Variants in SLC49A4 observed in about 807,000 individuals in gnomAD.
The protein encoded by SLC49A4 is disrupted in renal cancer protein 2.
In SLC49A4, 36 loss-of-function variants were observed where a neutral mutation model predicts 50.6. The observed-to-expected ratio is 0.71, with a 90% CI of 0.55 to 0.94. The LOEUF is 0.94. SLC49A4 is among the 40% of genes least tolerant of loss of function. The pLI, the probability that SLC49A4 is intolerant of heterozygous loss-of-function variation, is 0.00. For missense variants in SLC49A4, 503 were observed against 605.7 expected (o/e 0.83, Z 1.78); for synonymous variants, 248 against 241.2 (o/e 1.03, Z -0.26).
intron 2 of SLC49A4, 148 bp downstream of exon 2, chr3:122,807,098 C>T: frequency 1.9e-6 from 1 of 513,446 alleles, no homozygotes; most frequent in Non-Finnish European, 3.4e-6. Flanking sequence ...TATCAGTTGT[C>T]ATGGAAGACA....
chr3:122,813,483 A>G (rs1476021458), intron 2 of SLC49A4, among the ~76,000 whole-genome samples: 9 of 152,164 alleles, frequency 5.9e-5, no homozygotes, highest in Non-Finnish European at 1.0e-4. Context: ...CCCAGACTCC[A>G]GAAGTCTCCT....
intron 2 of SLC49A4, among the ~76,000 whole-genome samples, chr3:122,813,240 C>CAA (rs71621692): frequency 8.2e-5 from 7 of 85,252 alleles, no homozygotes; most frequent in Non-Finnish European, 1.2e-4. Flanking sequence ...GACTCTGTCT[C>CAA]AAAAAAAAAA....
At chr3:122,858,249 C>T (rs988790041) in intron 6 of SLC49A4, among the ~76,000 whole-genome samples, 7 of 152,126 alleles carry the variant, frequency 4.6e-5, no homozygotes, top group East Asian at 3.9e-4. Context: ...CTACAGTTGT[C>T]GGTTTATTCT....
At chr3:122,877,200 A>G (rs1170781227) in intron 8 of SLC49A4, among the ~76,000 whole-genome samples, 5 of 152,204 alleles carry the variant, frequency 3.3e-5, no homozygotes, top group African/African-American at 1.2e-4. Context: ...GAGCACCTAA[A>G]CAGTGGTTTA....
intron 2 of SLC49A4, among the ~76,000 whole-genome samples, chr3:122,814,236 C>T (rs1219686613): frequency 6.6e-6 from 1 of 152,166 alleles, no homozygotes; most frequent in African/African-American, 2.4e-5. Flanking sequence ...CCACTGCACT[C>T]CAGCCTGGGC....
intron 2 of SLC49A4, among the ~76,000 whole-genome samples, chr3:122,812,103 G>A (rs1936307891): frequency 2.6e-5 from 4 of 152,112 alleles, no homozygotes; most frequent in Admixed American, 2.0e-4. Context: ...CTACAGGCAT[G>A]TGCCATCACA....
Position 122,879,452 on chromosome 3 carries a change from A to G in SLC49A4, c.*74A>G. On this transcript the variant is annotated 3_prime_UTR_variant, in exon 9 of 9. Transcript: ENST00000261038. ...ACACTGCACATTTGCTCAGAATTGCACATCTAACAGGAAAAGAGGGAGAAG... is the reference window on the plus strand; with the variant it reads ...ACACTGCACATTTGCTCAGAATTGCGCATCTAACAGGAAAAGAGGGAGAAG... 1 of 1,082,272 alleles carries G rather than the reference A, an allele frequency of 9.2e-7. No homozygotes were observed. Among genetic ancestry groups the G allele is most frequent in the South Asian group, 1.5e-5 (1 of 68,330 alleles). The allele number at this position is 1,082,272 out of a possible 1,614,324, so 67.0% of individuals were successfully genotyped here.
At chr3:122,863,390 T>C (rs1005364867) in intron 7 of SLC49A4, among the ~76,000 whole-genome samples, 4 of 152,238 alleles carry the variant, frequency 2.6e-5, no homozygotes, top group African/African-American at 9.6e-5. Context: ...GTATATGTTA[T>C]CTCCATTTGA....
chr3:122,824,710 TC>T, intron 2 of SLC49A4, among the ~76,000 whole-genome samples: 2 of 145,850 alleles, frequency 1.4e-5, no homozygotes, highest in African/African-American at 5.2e-5. Context: ...TCCTTTCCTT[TC>T]CTTTCTTTTT....
chr3:122,796,584 A>G (rs1382154461), intron 1 of SLC49A4, among the ~76,000 whole-genome samples: 1 of 152,206 alleles, frequency 6.6e-6, no homozygotes, highest in Non-Finnish European at 1.5e-5. Context: ...ATAACATAAG[A>G]TGGAAGAAGG....
intron 5 of SLC49A4, among the ~76,000 whole-genome samples, chr3:122,848,884 A>G (rs1357934418): frequency 6.6e-6 from 1 of 152,150 alleles, no homozygotes; most frequent in Non-Finnish European, 1.5e-5. Flanking sequence ...TAATTTCCCT[A>G]CTGTACTATC....
At chr3:122,839,550 A>G (rs1387229091) in intron 4 of SLC49A4, among the ~76,000 whole-genome samples, 2 of 152,170 alleles carry the variant, frequency 1.3e-5, no homozygotes, top group African/African-American at 4.8e-5. Flanking sequence ...CAAGAAAAAA[A>G]AAATCTCATC....
At chr3:122,813,301 AC>A (rs1473592401) in intron 2 of SLC49A4, among the ~76,000 whole-genome samples, 3 of 151,244 alleles carry the variant, frequency 2.0e-5, no homozygotes, top group Non-Finnish European at 4.4e-5. Flanking sequence ...TCTTTTTTTA[AC>A]CTTTTTGTTG....
At chr3:122,855,198 T>C (rs1576307564) in intron 5 of SLC49A4, among the ~76,000 whole-genome samples, 1 of 152,220 alleles carries the variant, frequency 6.6e-6, no homozygotes, top group East Asian at 1.9e-4. Flanking sequence ...GTTTGGACTT[T>C]GTCCTGTAAC....
At chr3:122,852,692 C>A (rs1299184013) in intron 5 of SLC49A4, among the ~76,000 whole-genome samples, 1 of 152,076 alleles carries the variant, frequency 6.6e-6, no homozygotes, top group African/African-American at 2.4e-5. Context: ...TAGGTACAGC[C>A]CTTCAGAGTG....
intron 3 of SLC49A4, among the ~76,000 whole-genome samples, chr3:122,830,641 G>A (rs1222394830): frequency 6.6e-6 from 1 of 152,166 alleles, no homozygotes; most frequent in Non-Finnish European, 1.5e-5. Flanking sequence ...GAACCCCGTT[G>A]TTAACTCAAA....
At chr3:122,830,072 A>G (rs1249886311) in intron 3 of SLC49A4, among the ~76,000 whole-genome samples, 2 of 152,244 alleles carry the variant, frequency 1.3e-5, no homozygotes, top group Non-Finnish European at 1.5e-5. Context: ...ATGCAATTCA[A>G]TTTGCAATAG....
At chr3:122,799,952 G>A (rs6807250) in intron 1 of SLC49A4, among the ~76,000 whole-genome samples, 103,650 of 151,924 alleles carry the variant, frequency 0.68, 36,033 homozygotes, top group Non-Finnish European at 0.77. Context: ...AGCAGATGGC[G>A]TGGAGATGAG....
intron 4 of SLC49A4, among the ~76,000 whole-genome samples, chr3:122,844,538 T>G (rs1047924177): frequency 2.0e-5 from 3 of 152,272 alleles, no homozygotes; most frequent in Non-Finnish European, 4.4e-5. Context: ...TCCCAGCACT[T>G]TGGGAGGCCA....
Sources: gnomAD v4.1 joint callset for allele counts (sites outside exome capture counted in the v4.1 genomes callset) on GRCh38, gnomAD v4.1.1 for gene constraint, MANE v1.5 for transcripts, NCBI Gene and HGNC (gene_info 2026-07-23, HGNC 2026-07-21) for gene names.